Variants in FAM53B observed in about 807,000 individuals in gnomAD.
The protein encoded by FAM53B is protein FAM53B.
FAM53B carries 12 observed loss-of-function variants against 32.7 expected under a neutral mutation model. The ratio of observed to expected loss-of-function variants is 0.37; its 90% CI spans 0.24 to 0.59. The LOEUF (loss-of-function observed/expected upper bound fraction) is 0.59, where lower values mean the gene tolerates loss of function less well. Ranked by LOEUF, FAM53B falls within the 20% of genes least tolerant of loss-of-function variation. The pLI is 0.72. For synonymous variants in FAM53B, 234 were observed against 228.7 expected (o/e 1.02, Z -0.21); for missense variants, 477 against 577.7 (o/e 0.83, Z 1.79).
chr10:124,703,451 A>C (rs1949929259), intron 2 of FAM53B, among the ~76,000 whole-genome samples: 1 of 152,264 alleles, frequency 6.6e-6, no homozygotes, highest in African/African-American at 2.4e-5. Flanking sequence ...CATGATATGA[A>C]CTAACACACT....
chr10:124,679,723 C>T (rs1413407980), intron 4 of FAM53B, among the ~76,000 whole-genome samples: 1 of 152,272 alleles, frequency 6.6e-6, no homozygotes, highest in Non-Finnish European at 1.5e-5. Context: ...CCAGAGCAGC[C>T]TCCTCAGGCT....
rs146793446 is a variant in FAM53B at position 124,656,313 on chromosome 10, T to A, written c.906+25294A>T. Among the ~76,000 whole-genome samples, 907 of 152,264 alleles carry A rather than the reference T, an allele frequency of 6.0e-3. 7 individuals carry two copies. The highest frequency in any genetic ancestry group is 6.8e-3 in the Non-Finnish European group (462 of 68,014). On this transcript the variant is annotated intron_variant, in intron 4 of 4. Coordinates refer to ENST00000337318, the MANE Select transcript of FAM53B (RefSeq NM_014661.4). ...GGCCCCACGATAAGCATGCTCTGAA[T>A]GATCAAGAGAGCCAAAGGCTCCAGG...
intron 4 of FAM53B, among the ~76,000 whole-genome samples, chr10:124,655,712 C>G (rs1949585308): frequency 6.6e-6 from 1 of 152,182 alleles, no homozygotes; most frequent in African/African-American, 2.4e-5. Context: ...ACAGCCAGCT[C>G]CTCCCACACA....
chr10:124,656,873 A>T lies in FAM53B; in HGVS notation c.906+24734T>A, dbSNP rs1053674527. On this transcript the variant is annotated intron_variant, in intron 4 of 4. Transcript: ENST00000337318. ...TTGGACACAGGAAGGGGAACATCAC[A>T]CACCGGGGCCTGTTGTGGGGTGGGG... Among the ~76,000 whole-genome samples the T allele has an allele frequency of 8.6e-5, 13 of 151,262 alleles. No homozygotes were observed. In the South Asian group the frequency reaches 2.5e-3, roughly 29 times the overall value.
At chr10:124,654,629 G>A (rs1205520574) in intron 4 of FAM53B, among the ~76,000 whole-genome samples, 1 of 152,334 alleles carries the variant, frequency 6.6e-6, no homozygotes, top group African/African-American at 2.4e-5. Flanking sequence ...CTCCAGGCAT[G>A]TGCCAGGGTC....
At chr10:124,716,510 A>G (rs1950039031) in intron 1 of FAM53B, among the ~76,000 whole-genome samples, 2 of 152,222 alleles carry the variant, frequency 1.3e-5, no homozygotes, top group Admixed American at 6.5e-5. Flanking sequence ...CAGGGACATA[A>G]AAGTGCTGGG....
chr10:124,725,369 A>T (rs1482761589), intron 1 of FAM53B, among the ~76,000 whole-genome samples: 1 of 152,182 alleles, frequency 6.6e-6, no homozygotes, highest in Admixed American at 6.5e-5. Context: ...GGGAAGGGAA[A>T]GAAAGGGTAC....
Position 124,733,061 on chromosome 10 carries a change from C to T in FAM53B, c.-175+10952G>A, listed in dbSNP as rs989029047. Among the ~76,000 whole-genome samples, 26 of 152,122 alleles carry T rather than the reference C, an allele frequency of 1.7e-4. No homozygotes were observed. Among genetic ancestry groups the T allele is most frequent in the African/African-American group, 9.7e-5 (4 of 41,414 alleles). On this transcript the variant is annotated intron_variant, in intron 1 of 4. Coordinates refer to ENST00000337318, the MANE Select transcript of FAM53B (RefSeq NM_014661.4). The surrounding 1 kb of genome is among the most constrained non-coding windows in gnomAD (Gnocchi z 4.3). ...AGGTGAAGGCATGTGCTAACCTCCC[C>T]GGGAATGAGATGAACAGAGAGGTTT...
chr10:124,673,882 A>G (rs1356962401), intron 4 of FAM53B, among the ~76,000 whole-genome samples: 1 of 152,190 alleles, frequency 6.6e-6, no homozygotes, highest in African/African-American at 2.4e-5. Context: ...AGATAACCTG[A>G]CGCCCATGGC....
At chr10:124,646,200 C>T (rs572174085) in intron 4 of FAM53B, among the ~76,000 whole-genome samples, 13 of 152,362 alleles carry the variant, frequency 8.5e-5, no homozygotes, top group African/African-American at 3.1e-4. Flanking sequence ...TCCACAGACC[C>T]ACAAGCCCCA....
intron 4 of FAM53B, among the ~76,000 whole-genome samples, chr10:124,637,940 C>G (rs867871483): frequency 6.6e-6 from 1 of 152,242 alleles, no homozygotes; most frequent in Non-Finnish European, 1.5e-5. Context: ...TGGAGCCCCC[C>G]GCACCCAGGA....
chr10:124,695,640 T>C (rs910048385), intron 3 of FAM53B, among the ~76,000 whole-genome samples: 1 of 152,162 alleles, frequency 6.6e-6, no homozygotes. Context: ...TTCTGATACA[T>C]TTACCACCCA....
chr10:124,668,863 C>T (rs1483316881), intron 4 of FAM53B, among the ~76,000 whole-genome samples: 1 of 152,282 alleles, frequency 6.6e-6, no homozygotes, highest in Non-Finnish European at 1.5e-5. Context: ...CACTGATAGG[C>T]CTTTTCCTTC....
chr10:124,643,181 G>A (rs1302019838), intron 4 of FAM53B, among the ~76,000 whole-genome samples: 2 of 152,218 alleles, frequency 1.3e-5, no homozygotes, highest in African/African-American at 2.4e-5. Flanking sequence ...TTGTTGGAAC[G>A]CTCAGGTTAA....
At chr10:124,740,915 C>G (rs950335428) in intron 1 of FAM53B, among the ~76,000 whole-genome samples, 1 of 152,162 alleles carries the variant, frequency 6.6e-6, no homozygotes, top group Non-Finnish European at 1.5e-5. Context: ...CGGCCATGTG[C>G]TTTGTGTTGG....
chr10:124,669,990 G>C (rs1437730718), intron 4 of FAM53B, among the ~76,000 whole-genome samples: 1 of 151,796 alleles, frequency 6.6e-6, no homozygotes, highest in Non-Finnish European at 1.5e-5. Flanking sequence ...CCACACACCC[G>C]AGGGAGGACG....
At chr10:124,694,283 T>C (rs1211884381) in intron 3 of FAM53B, among the ~76,000 whole-genome samples, 3 of 152,244 alleles carry the variant, frequency 2.0e-5, no homozygotes, top group African/African-American at 7.2e-5. Flanking sequence ...AGACACAGCG[T>C]AGTCCCTCCT....
intron 4 of FAM53B, among the ~76,000 whole-genome samples, chr10:124,642,684 TCAGA>T (rs999269770): frequency 3.3e-5 from 5 of 152,102 alleles, no homozygotes; most frequent in African/African-American, 1.2e-4. Context: ...ACAGAAGCTT[TCAGA>T]CAGTGACTCC....
At chr10:124,676,895 T>G (rs549829792) in intron 4 of FAM53B, among the ~76,000 whole-genome samples, 1 of 152,162 alleles carries the variant, frequency 6.6e-6, no homozygotes, top group Non-Finnish European at 1.5e-5. Context: ...AACACAACAG[T>G]TGCTGCCTGT....
Sources: gnomAD v4.1 joint callset for allele counts (sites outside exome capture counted in the v4.1 genomes callset) on GRCh38, gnomAD v4.1.1 for gene constraint, Gnocchi (gnomAD v3.1) non-coding constraint, MANE v1.5 for transcripts, NCBI Gene and HGNC (gene_info 2026-07-23, HGNC 2026-07-21) for gene names.